TMEM184B: variants seen among roughly 807,000 people sequenced by gnomAD.
The protein encoded by TMEM184B is putative MAPK-activating protein FM08.
Under a neutral mutation model 41.8 loss-of-function variants are expected in TMEM184B, and 17 were observed. The observed-to-expected ratio is 0.41, with a 90% CI of 0.28 to 0.61. The LOEUF is 0.61. Ranked by LOEUF, TMEM184B falls within the 20% of genes least tolerant of loss-of-function variation. TMEM184B has a pLI of 0.34. For synonymous variants in TMEM184B, 240 were observed against 229.5 expected (o/e 1.05, Z -0.41); for missense variants, 393 against 557.8 (o/e 0.70, Z 2.98).
intron 2 of TMEM184B, among the ~76,000 whole-genome samples, chr22:38,247,419 C>A (rs1398661360): frequency 1.3e-5 from 2 of 152,196 alleles, no homozygotes; most frequent in Non-Finnish European, 2.9e-5. Flanking sequence ...CACGTCGGAA[C>A]CTGCGCTGCA....
chr22:38,230,808 G>A, intron 4 of TMEM184B, 64 bp from the exon 5 acceptor site: 1 of 1,515,552 alleles, frequency 6.6e-7, no homozygotes, highest in East Asian at 2.3e-5. Flanking sequence ...GGAACAGTGG[G>A]GTGGGGAAGG....
chr22:38,226,865 G>A lies in TMEM184B; in HGVS notation c.531C>T (p.Thr177=), dbSNP rs1385236066. Residue 177 remains threonine, a synonymous_variant, in exon 6 of 9, where the codon ACC becomes ACT. Coordinates refer to ENST00000361906, the MANE Select transcript of TMEM184B (RefSeq NM_012264.5). The surrounding 1 kb of genome is among the most constrained non-coding windows in gnomAD (Gnocchi z 4.6). ...IGFLRFCKQA[T]LQFCVVKPLM... ...GTGGCTTCACCACACAGAACTGCAG[G>A]GTGGCCTGTTGGGGGGAAAAGGAGG... is the stretch of plus-strand genomic sequence containing the variant. 2 of 1,591,346 alleles carry A rather than the reference G, an allele frequency of 1.3e-6. No individual in the cohort carries two copies. Among genetic ancestry groups the A allele is most frequent in the Non-Finnish European group, 8.6e-7 (1 of 1,168,958 alleles).
chr22:38,267,435 CTTT>C (rs973916120), intron 1 of TMEM184B, among the ~76,000 whole-genome samples: 5 of 139,972 alleles, frequency 3.6e-5, no homozygotes, highest in Middle Eastern at 3.7e-3. Flanking sequence ...CCCCTAATAT[CTTT>C]TTTTTTTTTT....
intron 3 of TMEM184B, 47 bp downstream of exon 3, chr22:38,245,888 G>GGC: frequency 9.2e-6 from 5 of 545,866 alleles, no homozygotes; most frequent in East Asian, 5.3e-5. Context: ...GGGGCTCCCA[G>GGC]CCCCCCAGCC....
chr22:38,240,498 C>T (rs563934550), intron 3 of TMEM184B, among the ~76,000 whole-genome samples: 13 of 152,058 alleles, frequency 8.5e-5, no homozygotes, highest in South Asian at 2.1e-4. Context: ...TCCAGAAGCG[C>T]GAGGTCCTAC....
chr22:38,232,696 C>G (rs916010440), intron 3 of TMEM184B, among the ~76,000 whole-genome samples: 1 of 152,180 alleles, frequency 6.6e-6, no homozygotes, highest in African/African-American at 2.4e-5. Context: ...TCCTTTTAGG[C>G]TCCCTGGTGC....
At chr22:38,266,219 C>A (rs1231057734) in intron 1 of TMEM184B, among the ~76,000 whole-genome samples, 2 of 152,208 alleles carry the variant, frequency 1.3e-5, no homozygotes, top group Non-Finnish European at 2.9e-5. Context: ...CAGGAGATCA[C>A]CAAGCATTTT....
intron 5 of TMEM184B, among the ~76,000 whole-genome samples, chr22:38,227,693 C>A (rs952995449): frequency 8.5e-5 from 13 of 152,158 alleles, no homozygotes; most frequent in Admixed American, 2.6e-4. Context: ...TGAGCACAGA[C>A]TCCCTGATGA....
chr22:38,253,945 A>G (rs909354675), intron 1 of TMEM184B, among the ~76,000 whole-genome samples: 1 of 152,186 alleles, frequency 6.6e-6, no homozygotes, highest in Non-Finnish European at 1.5e-5. Context: ...TCACACCTGT[A>G]ATCCCAGCAC....
At position 38,271,177 on chromosome 22, in the gene TMEM184B, G is replaced by T. The variant is rs73154460; in HGVS notation, c.-59+1707C>A. On this transcript the variant is annotated intron_variant, in intron 1 of 8. Transcript: ENST00000361906. ...ATTGGAGCCTCGTATCCAGATTGGG[G>T]TCACTAAATCAGTGTCCATCTTCCC... Among the ~76,000 whole-genome samples the T allele has an allele frequency of 1.8e-3, 277 of 152,312 alleles. 1 individual carries two copies. Among genetic ancestry groups the T allele is most frequent in the Middle Eastern group, 6.8e-3 (2 of 294 alleles).
At chr22:38,267,670 T>C (rs1450168275) in intron 1 of TMEM184B, among the ~76,000 whole-genome samples, 1 of 152,098 alleles carries the variant, frequency 6.6e-6, no homozygotes, top group African/African-American at 2.4e-5. Context: ...TGAGCTCAAG[T>C]GATCTGCCCA....
intron 1 of TMEM184B, among the ~76,000 whole-genome samples, chr22:38,266,266 C>T (rs758279742): frequency 2.6e-5 from 4 of 152,256 alleles, no homozygotes; most frequent in African/African-American, 9.6e-5. Context: ...CGTGCTTCCA[C>T]GTTTCTCCTT....
chr22:38,221,893 C>G (rs1250904171), intron 8 of TMEM184B, 183 bp from the exon 9 acceptor site: 1 of 900,114 alleles, frequency 1.1e-6, no homozygotes, highest in Non-Finnish European at 1.6e-6. Flanking sequence ...AAATGGACTT[C>G]TTTGGCTGGG....
intron 3 of TMEM184B, among the ~76,000 whole-genome samples, chr22:38,238,216 T>C (rs998270464): frequency 1.3e-5 from 2 of 151,448 alleles, no homozygotes; most frequent in African/African-American, 4.8e-5. Flanking sequence ...TGCACTTGGA[T>C]CTATCAACTT....
At position 38,231,232 on chromosome 22, in the gene TMEM184B, C is replaced by T. The variant is rs765048121; in HGVS notation, c.449+12G>A. On this transcript the variant is annotated intron_variant, in intron 4 of 8. Coordinates refer to ENST00000361906, the MANE Select transcript of TMEM184B (RefSeq NM_012264.5). ...GGGGTGGTTTAGGGCTCTGGGAAGA[C>T]TCCATACTCACTCAATGGGTTTTCC... The T allele has an allele frequency of 3.7e-6, 6 of 1,612,992 alleles. No individual in the cohort carries two copies. Among genetic ancestry groups the T allele is most frequent in the Admixed American group, 3.3e-5 (2 of 60,026 alleles).
Position 38,247,357 on chromosome 22 carries a change from G to A in TMEM184B, c.192+413C>T, listed in dbSNP as rs544232506. ...GTGGTTAAATATACAGAGTGCCTTC[G>A]CACATTCCCTGCTGCTAGGTGTCAG... is the stretch of plus-strand genomic sequence containing the variant. On this transcript the variant is annotated intron_variant, in intron 2 of 8. Coordinates refer to ENST00000361906, the MANE Select transcript of TMEM184B (RefSeq NM_012264.5). 6.6e-5 allele frequency among the ~76,000 whole-genome samples: 10 copies of A among 152,348 alleles called. No homozygotes were observed. The South Asian group carries it at 1.9e-3, about 28-fold the overall frequency.
intron 8 of TMEM184B, 152 bp from the exon 9 acceptor site, chr22:38,221,862 G>T: frequency 8.8e-7 from 1 of 1,137,880 alleles, no homozygotes; most frequent in Non-Finnish European, 1.2e-6. Context: ...TGGGGTCCAG[G>T]ATATGAGAAG....
chr22:38,253,572 AAAAT>A (rs902286419), intron 1 of TMEM184B, among the ~76,000 whole-genome samples: 6 of 152,130 alleles, frequency 3.9e-5, no homozygotes, highest in Non-Finnish European at 5.9e-5. Context: ...CTCCATCTCA[AAAAT>A]AAATAAATAA....
At chr22:38,247,181 T>A (rs2092051547) in intron 2 of TMEM184B, among the ~76,000 whole-genome samples, 2 of 152,228 alleles carry the variant, frequency 1.3e-5, no homozygotes, top group South Asian at 4.1e-4. Flanking sequence ...CCTCTCCCCC[T>A]CCCTCTCAGG....
Sources: gnomAD v4.1 joint callset for allele counts (sites outside exome capture counted in the v4.1 genomes callset) on GRCh38, gnomAD v4.1.1 for gene constraint, Gnocchi (gnomAD v3.1) non-coding constraint, MANE v1.5 for transcripts, NCBI Gene and HGNC (gene_info 2026-07-23, HGNC 2026-07-21) for gene names.